The following ANO3 variants were observed in gnomAD, a reference collection of about 807,000 sequenced individuals.
ANO3 encodes anoctamin 3, also known as anoctamin-3.
A neutral mutation model predicts 144.8 loss-of-function variants in ANO3; 99 were observed. The observed-to-expected ratio is 0.68, with a 90% confidence interval of 0.58 to 0.81. The LOEUF is 0.81. Ranked by LOEUF, ANO3 falls within the 30% of genes least tolerant of loss-of-function variation. The pLI is 0.00. For missense variants in ANO3, 905 were observed against 1,202.2 expected (o/e 0.75, Z 3.66); for synonymous variants, 414 against 392.6 (o/e 1.05, Z -0.64).
At chr11:26,654,847 G>A (rs543467267) in intron 24 of ANO3, among the ~76,000 whole-genome samples, 1 of 152,212 alleles carries the variant, frequency 6.6e-6, no homozygotes, top group Admixed American at 6.5e-5. Context: ...TTATTAATAT[G>A]ATCATATGAT....
At chr11:26,453,018 C>G (rs559465531) in intron 3 of ANO3, among the ~76,000 whole-genome samples, 3 of 152,106 alleles carry the variant, frequency 2.0e-5, no homozygotes, top group East Asian at 1.9e-4. Flanking sequence ...ACTTTACAGA[C>G]AAGCAAATGC....
intron 21 of ANO3, 124 bp from the exon 22 acceptor site, chr11:26,641,771 TA>T: frequency 9.2e-7 from 1 of 1,082,534 alleles, no homozygotes; most frequent in Non-Finnish European, 1.2e-6. Context: ...TTATAAAAGG[TA>T]AAACCAAATA....
At chr11:26,289,628 G>A (rs376200482) in intron 1 of ANO3, among the ~76,000 whole-genome samples, 1,171 of 66,958 alleles carry the variant, frequency 0.017, 80 homozygotes, top group East Asian at 0.083. Context: ...CTATATGTGT[G>A]TATATGTACA....
intron 1 of ANO3, among the ~76,000 whole-genome samples, chr11:26,226,033 G>A (rs1852250038): frequency 6.6e-6 from 1 of 151,828 alleles, no homozygotes; most frequent in Non-Finnish European, 1.5e-5. Context: ...TTTTTTGGGG[G>A]GTTATTCTAG....
At chr11:26,456,010 T>A (rs1197232519) in intron 3 of ANO3, among the ~76,000 whole-genome samples, 3 of 151,352 alleles carry the variant, frequency 2.0e-5, no homozygotes, top group African/African-American at 7.3e-5. Flanking sequence ...CTGGGAAAAC[T>A]GGCTAGCCAT....
At chr11:26,257,646 G>C (rs989555293) in intron 1 of ANO3, among the ~76,000 whole-genome samples, 1 of 152,080 alleles carries the variant, frequency 6.6e-6, no homozygotes, top group African/African-American at 2.4e-5. Context: ...TAGGCCCACT[G>C]ATTGATAGAT....
At chr11:26,221,246 C>A (rs1161226695) in intron 1 of ANO3, among the ~76,000 whole-genome samples, 2 of 152,212 alleles carry the variant, frequency 1.3e-5, no homozygotes, top group African/African-American at 4.8e-5. Context: ...TAAAACAGGG[C>A]ACTTCTGTCT....
intron 7 of ANO3, among the ~76,000 whole-genome samples, chr11:26,529,578 C>A (rs1849313398): frequency 1.4e-5 from 2 of 145,064 alleles, no homozygotes; most frequent in Non-Finnish European, 3.0e-5. Context: ...GCAGAGTTGG[C>A]CAAAGAAATA....
chr11:26,476,419 T>C lies in ANO3; in HGVS notation c.432+13271T>C, dbSNP rs77156687. On this transcript the variant is annotated intron_variant, in intron 4 of 26. Transcript: ENST00000256737. The stretch of plus-strand genomic sequence containing the variant: ...GCATTCAAGGCAGAAGAGTGACCTA[T>C]GTGAGGGCCCTGGTGTGGAAAGTAT... Among the ~76,000 whole-genome samples, 14 of 151,984 alleles carry C rather than the reference T, an allele frequency of 9.2e-5. No homozygotes were observed. The East Asian group carries it at 2.7e-3, about 30-fold the overall frequency.
At chr11:26,425,705 G>A (rs1297269615) in intron 1 of ANO3, among the ~76,000 whole-genome samples, 1 of 152,022 alleles carries the variant, frequency 6.6e-6, no homozygotes, top group Non-Finnish European at 1.5e-5. Context: ...TTCAAAATTT[G>A]CTTTAATATA....
intron 11 of ANO3, among the ~76,000 whole-genome samples, chr11:26,545,745 G>A (rs1849770601): frequency 6.6e-6 from 1 of 151,564 alleles, no homozygotes; most frequent in Non-Finnish European, 1.5e-5. Context: ...AAACAGAGCT[G>A]TGGTTGATGT....
intron 17 of ANO3, among the ~76,000 whole-genome samples, chr11:26,611,259 TTC>T (rs1325502968): frequency 1.3e-5 from 2 of 152,132 alleles, no homozygotes; most frequent in Non-Finnish European, 2.9e-5. Flanking sequence ...TTCTATAAAC[TTC>T]TCTCTTAGAA....
chr11:26,201,615 G>A (rs1264018700), intron 1 of ANO3, among the ~76,000 whole-genome samples: 1 of 151,956 alleles, frequency 6.6e-6, no homozygotes, highest in Non-Finnish European at 1.5e-5. Context: ...TTAACTTTGT[G>A]ACTTAATAAA....
chr11:26,596,149 CTG>C (rs1326893942), intron 14 of ANO3, among the ~76,000 whole-genome samples: 4 of 151,724 alleles, frequency 2.6e-5, no homozygotes, highest in Non-Finnish European at 5.9e-5. Context: ...ATAGGGCACA[CTG>C]TTTTTCCTTT....
chr11:26,215,070 A>T (rs1335974667), intron 1 of ANO3, among the ~76,000 whole-genome samples: 1 of 151,968 alleles, frequency 6.6e-6, no homozygotes, highest in Non-Finnish European at 1.5e-5. Context: ...ATGACTTATA[A>T]TCACTGAAAT....
intron 1 of ANO3, among the ~76,000 whole-genome samples, chr11:26,286,738 T>G (rs543778775): frequency 1.3e-5 from 2 of 152,274 alleles, no homozygotes; most frequent in Non-Finnish European, 2.9e-5. Context: ...CCATACAAGA[T>G]AGACACAAAG....
chr11:26,209,700 G>T (rs1333691934), intron 1 of ANO3, among the ~76,000 whole-genome samples: 1 of 152,180 alleles, frequency 6.6e-6, no homozygotes, highest in African/African-American at 2.4e-5. Context: ...GTGTGAGATG[G>T]TATCTCATTG....
intron 23 of ANO3, among the ~76,000 whole-genome samples, chr11:26,645,436 G>A (rs951182249): frequency 3.3e-5 from 5 of 151,770 alleles, no homozygotes; most frequent in African/African-American, 1.2e-4. Context: ...TTGGAAAGCA[G>A]CTCCACATGT....
chr11:26,448,364 C>T (rs1415458884), intron 3 of ANO3, among the ~76,000 whole-genome samples: 1 of 151,654 alleles, frequency 6.6e-6, no homozygotes, highest in Non-Finnish European at 1.5e-5. Flanking sequence ...TGAGTCCAAC[C>T]AACCCAAACA....
Sources: allele counts gnomAD v4.1 joint callset (sites outside exome capture counted in the v4.1 genomes callset), GRCh38; gene constraint gnomAD v4.1.1; transcripts MANE v1.5; gene names NCBI Gene and HGNC (gene_info 2026-07-23, HGNC 2026-07-21).